Variants in AK4 observed in about 807,000 individuals in gnomAD.
AK4 encodes the protein adenylate kinase 4, also known as adenylate kinase 4, mitochondrial.
In AK4, 13 loss-of-function variants were observed where a neutral mutation model predicts 24.6. The ratio of observed to expected loss-of-function variants is 0.53; its 90% CI spans 0.34 to 0.84. AK4 has a LOEUF of 0.84. Among genes scored for constraint, AK4 ranks in the 40% least tolerant of loss-of-function variants. The pLI is 0.01. For missense variants in AK4, 192 were observed against 288.2 expected (o/e 0.67, Z 2.42); for synonymous variants, 88 against 107.0 (o/e 0.82, Z 1.10).
chr1:65,156,783 G>A (rs147347486), intron 1 of AK4, among the ~76,000 whole-genome samples: 1 of 151,828 alleles, frequency 6.6e-6, no homozygotes, highest in African/African-American at 2.4e-5. Context: ...TTAGCCGGGC[G>A]TGGTGGCACA....
rs188943107 is a variant in AK4 at position 65,189,100 on chromosome 1, A to G, written c.146-1610A>G. On this transcript the variant is annotated intron_variant, in intron 1 of 4. Coordinates refer to ENST00000327299, the MANE Select transcript of AK4 (RefSeq NM_013410.4). ...AGGCACCCACCACCACACTCAGCTAATTTTTGTATTTTTTAGTAGAGATGG... is the reference window on the plus strand; with the variant it reads ...AGGCACCCACCACCACACTCAGCTAGTTTTTGTATTTTTTAGTAGAGATGG... Among the ~76,000 whole-genome samples, 239 of 148,148 alleles carry G rather than the reference A, an allele frequency of 1.6e-3. 1 individual carries two copies. Among genetic ancestry groups the G allele is most frequent in the African/African-American group, 5.8e-3 (233 of 40,124 alleles).
chr1:65,170,808 T>A (rs1650492402), intron 1 of AK4, among the ~76,000 whole-genome samples: 1 of 152,168 alleles, frequency 6.6e-6, no homozygotes, highest in Admixed American at 6.5e-5. Flanking sequence ...CCAAAAAAAT[T>A]TGCAGAATCA....
intron 1 of AK4, among the ~76,000 whole-genome samples, chr1:65,185,618 G>A (rs148282581): frequency 6.8e-6 from 1 of 146,324 alleles, no homozygotes; most frequent in East Asian, 2.1e-4. Flanking sequence ...AACCGAATAT[G>A]ACCATCTTTT....
intron 2 of AK4, among the ~76,000 whole-genome samples, chr1:65,209,754 T>A (rs1305794112): frequency 6.6e-6 from 1 of 152,232 alleles, no homozygotes; most frequent in Non-Finnish European, 1.5e-5. Flanking sequence ...TTTCATATTG[T>A]ATGCCCTGAA....
At chr1:65,176,473 A>T (rs1307649964) in intron 1 of AK4, among the ~76,000 whole-genome samples, 3 of 151,724 alleles carry the variant, frequency 2.0e-5, no homozygotes, top group Non-Finnish European at 2.9e-5. Context: ...TCCCATCCCG[A>T]CTCCACCTCT....
intron 2 of AK4, among the ~76,000 whole-genome samples, chr1:65,194,494 C>A (rs569529612): frequency 6.6e-6 from 1 of 151,724 alleles, no homozygotes; most frequent in East Asian, 1.9e-4. Context: ...GAGATGAAGT[C>A]TCTGTCGCCC....
chr1:65,214,998 C>A (rs1288153882), intron 2 of AK4, among the ~76,000 whole-genome samples: 1 of 152,140 alleles, frequency 6.6e-6, no homozygotes, highest in Non-Finnish European at 1.5e-5. Context: ...TAGTGTCATA[C>A]TTGCACTGTT....
At chr1:65,161,910 A>G (rs960536155) in intron 1 of AK4, among the ~76,000 whole-genome samples, 2 of 152,114 alleles carry the variant, frequency 1.3e-5, no homozygotes, top group African/African-American at 4.8e-5. Flanking sequence ...AGGAGGTAAT[A>G]TTTAAGCTGA....
chr1:65,189,935 G>A (rs1003204178), intron 1 of AK4, among the ~76,000 whole-genome samples: 3 of 152,154 alleles, frequency 2.0e-5, no homozygotes, highest in Non-Finnish European at 4.4e-5. Flanking sequence ...ATGAAAAGAA[G>A]TAAAGCTGTT....
At chr1:65,210,704 TC>T (rs1651948101) in intron 2 of AK4, among the ~76,000 whole-genome samples, 1 of 152,180 alleles carries the variant, frequency 6.6e-6, no homozygotes, top group Non-Finnish European at 1.5e-5. Context: ...TTCATATCTT[TC>T]TTCTCAAACC....
intron 2 of AK4, among the ~76,000 whole-genome samples, chr1:65,192,510 C>A (rs774597686): frequency 6.6e-6 from 1 of 152,144 alleles, no homozygotes; most frequent in Non-Finnish European, 1.5e-5. Flanking sequence ...GCATTCTGCC[C>A]CTACCCACCT....
At chr1:65,148,736 C>G (rs1264131924) in intron 1 of AK4, among the ~76,000 whole-genome samples, 184 bp downstream of exon 1, 2 of 151,904 alleles carry the variant, frequency 1.3e-5, no homozygotes, top group African/African-American at 2.4e-5. Context: ...GGGAGGAGGC[C>G]GAGGCTCCAG....
At chr1:65,217,565 C>T (rs180728753) in intron 2 of AK4, among the ~76,000 whole-genome samples, 1 of 152,082 alleles carries the variant, frequency 6.6e-6, no homozygotes, top group African/African-American at 2.4e-5. Flanking sequence ...AGCAGATAAA[C>T]TGGAGTGATT....
intron 2 of AK4, among the ~76,000 whole-genome samples, chr1:65,207,860 C>G (rs544363151): frequency 6.6e-6 from 1 of 152,124 alleles, no homozygotes; most frequent in Non-Finnish European, 1.5e-5. Flanking sequence ...CATGTTGCTA[C>G]AAGGGACATG....
intron 1 of AK4, among the ~76,000 whole-genome samples, chr1:65,152,360 C>CTCTCTCTATATATATA (rs1277948363): frequency 1.4e-4 from 4 of 27,958 alleles, no homozygotes; most frequent in Non-Finnish European, 6.9e-5. Context: ...CTCTCTCTCT[C>CTCTCTCTATATATATA]TATATATATA....
At chr1:65,184,370 G>A (rs185746182) in intron 1 of AK4, among the ~76,000 whole-genome samples, 40 of 152,052 alleles carry the variant, frequency 2.6e-4, no homozygotes, top group Non-Finnish European at 4.4e-4. Context: ...TTTATATGTC[G>A]CCTTAATCAT....
chr1:65,197,598 A>C (rs758445594), intron 2 of AK4, among the ~76,000 whole-genome samples: 6 of 152,164 alleles, frequency 3.9e-5, no homozygotes, highest in Non-Finnish European at 8.8e-5. Flanking sequence ...AGTTGTTTGA[A>C]TGTGTGCAGT....
chr1:65,173,478 G>T (rs1035412889), intron 1 of AK4, among the ~76,000 whole-genome samples: 1 of 151,970 alleles, frequency 6.6e-6, no homozygotes, highest in Non-Finnish European at 1.5e-5. Flanking sequence ...TCCTCAGATT[G>T]CATACTTCCC....
chr1:65,169,510 A>T (rs2101005736), intron 1 of AK4, among the ~76,000 whole-genome samples: 1 of 152,302 alleles, frequency 6.6e-6, no homozygotes, highest in African/African-American at 2.4e-5. Context: ...TGTAAATGAG[A>T]GTAATGATAG....
Sources: allele counts gnomAD v4.1 joint callset (sites outside exome capture counted in the v4.1 genomes callset), GRCh38; gene constraint gnomAD v4.1.1; transcripts MANE v1.5; gene names NCBI Gene and HGNC (gene_info 2026-07-23, HGNC 2026-07-21).